The following ILDR1 variants were observed in gnomAD, a reference collection of about 807,000 sequenced individuals.
ILDR1 encodes the protein immunoglobulin-like domain-containing receptor 1.
In ILDR1, 56 loss-of-function variants were observed where a neutral mutation model predicts 62.4. The observed-to-expected ratio is 0.90, with a 90% confidence interval of 0.72 to 1.12. The LOEUF (loss-of-function observed/expected upper bound fraction) is 1.12, where lower values mean the gene tolerates loss of function less well. Among genes scored for constraint, ILDR1 ranks in the 50% most tolerant of loss-of-function variants. The pLI, the probability that ILDR1 is intolerant of heterozygous loss-of-function variation, is 0.00. For synonymous variants in ILDR1, 284 were observed against 277.8 expected (o/e 1.02, Z -0.22); for missense variants, 736 against 710.6 (o/e 1.04, Z -0.41).
chr3:122,006,776 T>A (rs1475105240), intron 2 of ILDR1, among the ~76,000 whole-genome samples: 1 of 152,044 alleles, frequency 6.6e-6, no homozygotes, highest in African/African-American at 2.4e-5. Context: ...CAGGAAAAAA[T>A]TTTAAAATAA....
At chr3:122,010,467 C>T (rs769877183) in intron 1 of ILDR1, among the ~76,000 whole-genome samples, 15 of 152,130 alleles carry the variant, frequency 9.9e-5, no homozygotes, top group Admixed American at 2.0e-4. Context: ...AAAAAAGCTG[C>T]TGTCTCCGTA....
the ILDR1 span, among the ~76,000 whole-genome samples, chr3:122,042,931 T>C: frequency 6.6e-6 from 1 of 151,390 alleles, no homozygotes; most frequent in Non-Finnish European, 1.5e-5. Context: ...TAGATCCCAT[T>C]TGTCAATTTT....
rs778081230 is a variant in ILDR1 at position 122,001,463 on chromosome 3, G to A, written c.500-9C>T. ...GATCACTGTCAGCCAGTCTGCAGGG[G>A]AGAAGCCAAGCAGGGGTTGAACTAA... On this transcript the variant is annotated splice_polypyrimidine_tract_variant and intron_variant, in intron 4 of 7. Coordinates refer to ENST00000344209, the MANE Select transcript of ILDR1 (RefSeq NM_001199799.2). 14 of 1,614,054 alleles carry A rather than the reference G, an allele frequency of 8.7e-6. No homozygotes were observed. Among genetic ancestry groups the A allele is most frequent in the Middle Eastern group, 1.6e-4 (1 of 6,062 alleles).
chr3:122,021,731 T>G (rs1249417954), intron 1 of ILDR1, among the ~76,000 whole-genome samples: 1 of 152,226 alleles, frequency 6.6e-6, no homozygotes, highest in East Asian at 1.9e-4. Context: ...TCAGTTCAGC[T>G]TCAGAGATCA....
At chr3:122,015,788 T>C (rs2071768389) in intron 1 of ILDR1, among the ~76,000 whole-genome samples, 1 of 152,320 alleles carries the variant, frequency 6.6e-6, no homozygotes, top group South Asian at 2.1e-4. Flanking sequence ...ATTGGGCTTA[T>C]TTATCGCCGA....
intron 3 of ILDR1, among the ~76,000 whole-genome samples, chr3:122,003,386 C>T (rs2071557609): frequency 6.6e-6 from 1 of 152,212 alleles, no homozygotes; most frequent in Non-Finnish European, 1.5e-5. Context: ...AAACCCACTA[C>T]CTTTCCCAGA....
upstream of ILDR1, among the ~76,000 whole-genome samples, chr3:122,023,788 ACAGCAGCAGCAG>A (rs150002932): frequency 2.0e-5 from 3 of 151,222 alleles, no homozygotes; most frequent in African/African-American, 7.3e-5. Flanking sequence ...GGATCCTAGC[ACAGCAGCAGCAG>A]CAGCAGCAGC....
intron 1 of ILDR1, among the ~76,000 whole-genome samples, chr3:122,013,559 T>C (rs2071733911): frequency 6.6e-6 from 1 of 152,078 alleles, no homozygotes; most frequent in Non-Finnish European, 1.5e-5. Flanking sequence ...ACCAAGCATA[T>C]TTACCATCAG....
chr3:122,022,137 TCAGCTGCCGCCCCA>T lies in ILDR1; in HGVS notation c.-74_-61del. The T allele has an allele frequency of 6.9e-7, 1 of 1,443,994 alleles. No individual in the cohort carries two copies. Among genetic ancestry groups the T allele is most frequent in the Non-Finnish European group, 9.5e-7 (1 of 1,049,912 alleles). The allele number at this position is 1,443,994 out of a possible 1,614,324, so 89.4% of individuals were successfully genotyped here. On this transcript the variant is annotated 5_prime_UTR_variant, in exon 1 of 8. Transcript: ENST00000344209. Reference sequence around the variant, plus strand: ...CTTCGGGGCACTGCGTCTTTCTTCCTCAGCTGCCGCCCCAGGACGCACCACCTTCTCCAAGGAAC... The same window carrying T: ...CTTCGGGGCACTGCGTCTTTCTTCCTGGACGCACCACCTTCTCCAAGGAAC...
upstream of ILDR1, among the ~76,000 whole-genome samples, chr3:122,026,476 T>C (rs946658132): frequency 5.9e-5 from 9 of 152,172 alleles, no homozygotes. Flanking sequence ...CCTAGATAGA[T>C]AGTGATTCCT....
chr3:122,052,781 C>G, the ILDR1 span, among the ~76,000 whole-genome samples: 1 of 152,220 alleles, frequency 6.6e-6, no homozygotes, highest in African/African-American at 2.4e-5. Context: ...GTTGACCGGG[C>G]TGATCTCAAA....
intron 5 of ILDR1, among the ~76,000 whole-genome samples, chr3:121,995,200 G>A (rs1038654503): frequency 1.3e-5 from 2 of 152,194 alleles, no homozygotes; most frequent in Admixed American, 1.3e-4. Flanking sequence ...GGTAGTTGTG[G>A]CTGAGTGCCT....
chr3:122,046,048 G>A, the ILDR1 span, among the ~76,000 whole-genome samples: 9 of 147,834 alleles, frequency 6.1e-5, no homozygotes, highest in East Asian at 6.1e-4. Context: ...ATTTTGCAGC[G>A]GCTGGTACCG....
At chr3:122,036,846 G>A in the ILDR1 span, among the ~76,000 whole-genome samples, 1 of 152,174 alleles carries the variant, frequency 6.6e-6, no homozygotes, top group Non-Finnish European at 1.5e-5. Context: ...CATGGACCAG[G>A]CCCAGGGCCC....
chr3:121,994,140 G>T (rs773484252), intron 6 of ILDR1, 42 bp downstream of exon 6: 163 of 1,532,200 alleles, frequency 1.1e-4, no homozygotes, highest in Admixed American at 4.3e-4. Flanking sequence ...TCCCGCCCTT[G>T]CCCTCTGCCC....
chr3:122,004,026 TAA>T (rs71136546), intron 3 of ILDR1, among the ~76,000 whole-genome samples: 14 of 143,570 alleles, frequency 9.8e-5, no homozygotes, highest in South Asian at 4.4e-4. Context: ...ATGCCGAATG[TAA>T]AAAAAAAAAA....
At chr3:122,007,236 C>T in intron 1 of ILDR1, 75 bp from the exon 2 acceptor site, 1 of 1,604,946 alleles carries the variant, frequency 6.2e-7, no homozygotes, top group Non-Finnish European at 8.5e-7. Context: ...TGCAAATGGG[C>T]AAAAGATATT....
the ILDR1 span, chr3:122,055,371 C>A: frequency 3.1e-6 from 3 of 963,424 alleles, no homozygotes; most frequent in East Asian, 7.2e-5. Context: ...CAGTCATTGC[C>A]GAGGAAGGCT....
At position 122,008,539 on chromosome 3, in the gene ILDR1, TGAGGCCCA is replaced by T. The variant is rs1462616113; in HGVS notation, c.59-1386_59-1379del. Among the ~76,000 whole-genome samples, 5 of 152,170 alleles carry T rather than the reference TGAGGCCCA, an allele frequency of 3.3e-5. No individual in the cohort carries two copies. In the South Asian group the frequency reaches 8.3e-4, roughly 25 times the overall value. On this transcript the variant is annotated intron_variant, in intron 1 of 7. Transcript: ENST00000344209. The stretch of plus-strand genomic sequence containing the variant: ...AGTTTCTAGTTCCGTAGGACTTGGG[TGAGGCCCA>T]GAGACACGCATTTTTTATTTCTTTT...
Sources: gnomAD v4.1 joint callset for allele counts (sites outside exome capture counted in the v4.1 genomes callset) on GRCh38, gnomAD v4.1.1 for gene constraint, MANE v1.5 for transcripts, NCBI Gene and HGNC (gene_info 2026-07-23, HGNC 2026-07-21) for gene names.